The following RBFOX1 variants were observed in gnomAD, a reference collection of about 807,000 sequenced individuals.
RBFOX1 encodes RNA binding fox-1 homolog 1.
Under a neutral mutation model 57.7 loss-of-function variants are expected in RBFOX1, and 8 were observed. The ratio of observed to expected loss-of-function variants is 0.14; its 90% CI spans 0.08 to 0.25. The LOEUF (loss-of-function observed/expected upper bound fraction) is 0.25, where lower values mean the gene tolerates loss of function less well. Among genes scored for constraint, RBFOX1 ranks in the 10% least tolerant of loss-of-function variants. RBFOX1 has a pLI of 1.00. For missense variants in RBFOX1, 611 were observed against 548.5 expected (o/e 1.11, Z -1.14); for synonymous variants, 326 against 222.4 (o/e 1.47, Z -4.15).
chr16:7,172,597 G>C (rs2080911763), intron 4 of RBFOX1, among the ~76,000 whole-genome samples: 1 of 151,166 alleles, frequency 6.6e-6, no homozygotes, highest in African/African-American at 2.4e-5. Flanking sequence ...CTTCATATTG[G>C]AGAAAAAAAA....
chr16:7,229,072 CAAG>C (rs60433857), intron 4 of RBFOX1, among the ~76,000 whole-genome samples: 10,074 of 152,040 alleles, frequency 0.066, 887 homozygotes, highest in African/African-American at 0.21. Flanking sequence ...TTAATAGACT[CAAG>C]GAGAAATATA....
At chr16:6,423,624 G>C (rs530645540) in intron 2 of RBFOX1, among the ~76,000 whole-genome samples, 3 of 152,184 alleles carry the variant, frequency 2.0e-5, no homozygotes, top group East Asian at 1.9e-4. Flanking sequence ...TAAAAAAAAG[G>C]AAGTATGTCA....
intron 4 of RBFOX1, among the ~76,000 whole-genome samples, chr16:7,158,735 GTGT>G (rs1016059786): frequency 1.3e-5 from 2 of 151,888 alleles, no homozygotes; most frequent in South Asian, 2.1e-4. Context: ...TGTTTGGTGT[GTGT>G]TGTTTCTGGG....
chr16:6,995,337 G>C (rs372005330), intron 3 of RBFOX1, among the ~76,000 whole-genome samples: 1 of 127,126 alleles, frequency 7.9e-6, no homozygotes, highest in African/African-American at 2.9e-5. Flanking sequence ...TGTGTTAGAA[G>C]TGGTGATCCT....
intron 3 of RBFOX1, among the ~76,000 whole-genome samples, chr16:7,024,927 A>C (rs566805655): frequency 1.2e-3 from 186 of 152,256 alleles, no homozygotes; most frequent in African/African-American, 4.3e-3. Context: ...AGAGGAGGAC[A>C]CTGAGGCCCA....
Position 6,170,383 on chromosome 16 carries a change from C to G in RBFOX1, c.-126-146612C>G, listed in dbSNP as rs79559579. On this transcript the variant is annotated intron_variant, in intron 1 of 15. Transcript: ENST00000550418. ...TGACAGTTCTTAGCATGTAATCAATCTGCAGTAAACAGCTGCTGAATGAGG... is the reference window on the plus strand; with the variant it reads ...TGACAGTTCTTAGCATGTAATCAATGTGCAGTAAACAGCTGCTGAATGAGG... Among the ~76,000 whole-genome samples the G allele has an allele frequency of 7.0e-3, 1,065 of 152,256 alleles. 7 individuals carry two copies. Among genetic ancestry groups the G allele is most frequent in the African/African-American group, 0.024 (1,008 of 41,548 alleles).
rs142724702 is a variant in RBFOX1, at chr16:5,438,725, G to C, written c.220-28491G>C. Among the ~76,000 whole-genome samples the C allele has an allele frequency of 6.6e-3, 1,004 of 152,238 alleles. 9 individuals carry two copies. The highest frequency in any genetic ancestry group is 9.7e-3 in the Non-Finnish European group (663 of 68,022). On this transcript the variant is annotated intron_variant, in intron 1 of 2. Coordinates refer to the RBFOX1 transcript ENST00000585867. ...ACACCCCTTCCTCCCTGAATGTCAT[G>C]CAGTGTCCTTCTACCCTGGCCTGTG... is the stretch of plus-strand genomic sequence containing the variant.
intron 4 of RBFOX1, among the ~76,000 whole-genome samples, chr16:7,198,939 C>G (rs1470707919): frequency 1.3e-5 from 2 of 152,150 alleles, no homozygotes; most frequent in Admixed American, 1.3e-4. Flanking sequence ...ATGAACCATG[C>G]TTGCAGGAGA....
At chr16:6,690,450 T>G (rs2060039544) in intron 3 of RBFOX1, among the ~76,000 whole-genome samples, 1 of 152,128 alleles carries the variant, frequency 6.6e-6, no homozygotes, top group African/African-American at 2.4e-5. Flanking sequence ...GCAAAATGAT[T>G]TTGCCTACTA....
At chr16:7,244,891 G>T in intron 4 of RBFOX1, among the ~76,000 whole-genome samples, 1 of 152,144 alleles carries the variant, frequency 6.6e-6, no homozygotes, top group East Asian at 1.9e-4. Flanking sequence ...GAAAAGCTCC[G>T]TATCCCAAGT....
At chr16:6,130,956 G>C (rs1361982531) in intron 1 of RBFOX1, among the ~76,000 whole-genome samples, 2 of 152,128 alleles carry the variant, frequency 1.3e-5, no homozygotes, top group Non-Finnish European at 2.9e-5. Context: ...AACTCTCTCT[G>C]ATTGAAAAAA....
chr16:6,552,996 C>T (rs1197416344), intron 2 of RBFOX1, among the ~76,000 whole-genome samples: 1 of 152,086 alleles, frequency 6.6e-6, no homozygotes, highest in African/African-American at 2.4e-5. Context: ...ATCAGCTGCC[C>T]CCTGCAAGTT....
intron 10 of RBFOX1, 118 bp from the exon 11 acceptor site, chr16:7,630,485 C>G: frequency 6.5e-7 from 1 of 1,533,090 alleles, no homozygotes; most frequent in Non-Finnish European, 8.7e-7. Flanking sequence ...CCTTGTCCTG[C>G]GCTCTGGGAT....
At chr16:5,734,517 G>C (rs2052502344) in intron 3 of RBFOX1, among the ~76,000 whole-genome samples, 1 of 152,244 alleles carries the variant, frequency 6.6e-6, no homozygotes, top group South Asian at 2.1e-4. Flanking sequence ...GCCCCATGGA[G>C]TGTTGCCATT....
At chr16:6,930,919 A>G (rs2076402049) in intron 3 of RBFOX1, among the ~76,000 whole-genome samples, 1 of 151,708 alleles carries the variant, frequency 6.6e-6, no homozygotes, top group Non-Finnish European at 1.5e-5. Flanking sequence ...TCTTCTGTGT[A>G]TTTGTATGTA....
chr16:7,618,309 C>T (rs376213410), intron 10 of RBFOX1, among the ~76,000 whole-genome samples: 18 of 152,162 alleles, frequency 1.2e-4, no homozygotes, highest in African/African-American at 4.1e-4. Flanking sequence ...CACTGAGTAA[C>T]AGTCTTATAA....
chr16:6,465,148 G>C lies in RBFOX1; in HGVS notation c.-64+148091G>C, dbSNP rs574654948. Among the ~76,000 whole-genome samples the C allele has an allele frequency of 4.8e-4, 73 of 152,246 alleles. 1 individual carries two copies. Among genetic ancestry groups the C allele is most frequent in the African/African-American group, 1.7e-3 (71 of 41,544 alleles). ...TATTATTATTAATCTCCATTTTCTTGTTTCTGTGCGATCAGGTTTTTACCC... is the reference window on the plus strand; with the variant it reads ...TATTATTATTAATCTCCATTTTCTTCTTTCTGTGCGATCAGGTTTTTACCC... On this transcript the variant is annotated intron_variant, in intron 2 of 15. Coordinates refer to ENST00000550418, the MANE Select transcript of RBFOX1 (RefSeq NM_018723.4).
At chr16:6,341,621 C>A (rs926254048) in intron 2 of RBFOX1, among the ~76,000 whole-genome samples, 1 of 151,942 alleles carries the variant, frequency 6.6e-6, no homozygotes, top group Non-Finnish European at 1.5e-5. Context: ...TATCACAAAC[C>A]CTGATAGTAA....
chr16:7,403,106 A>G (rs1029485491), intron 4 of RBFOX1, among the ~76,000 whole-genome samples: 1 of 152,204 alleles, frequency 6.6e-6, no homozygotes, highest in Non-Finnish European at 1.5e-5. Context: ...ATGGGGGTAC[A>G]ATTAACAAAT....
Sources: gnomAD v4.1 joint callset for allele counts (sites outside exome capture counted in the v4.1 genomes callset) on GRCh38, gnomAD v4.1.1 for gene constraint, MANE v1.5 for transcripts, NCBI Gene and HGNC (gene_info 2026-07-23, HGNC 2026-07-21) for gene names.